ACACA: variants seen among roughly 807,000 people sequenced by gnomAD.
ACACA encodes acetyl-CoA carboxylase 1.
Under a neutral mutation model 296.1 loss-of-function variants are expected in ACACA, and 103 were observed. The ratio of observed to expected loss-of-function variants is 0.35; its 90% CI spans 0.30 to 0.41. The LOEUF (loss-of-function observed/expected upper bound fraction) is 0.41, where lower values mean the gene tolerates loss of function less well. Ranked by LOEUF, ACACA falls within the 10% of genes least tolerant of loss-of-function variation. ACACA has a pLI of 1.00. For synonymous variants in ACACA, 953 were observed against 1,038.6 expected, an observed-to-expected ratio of 0.92 and a Z score of 1.58; for missense variants, 1,554 against 2,989.7, an observed-to-expected ratio of 0.52 and a Z score of 11.20.
Position 37,299,184 on chromosome 17 carries a change from A to G in ACACA, c.339-14214T>C, listed in dbSNP as rs73984207. 243 of 1,316,594 alleles carry G rather than the reference A, an allele frequency of 1.8e-4. 2 individuals carry two copies. In the African/African-American group the frequency reaches 3.5e-3, roughly 19 times the overall value. 81.6% of individuals were successfully genotyped at this position (1,316,594 alleles called of 1,614,324 possible). A position where few individuals can be genotyped will look rare whatever the true frequency, so the allele number is the denominator to read the frequency against. ...AGCCTTCATTTTTTAAAGATAGAAA[A>G]AAAATGATCAAATAAATCTCAGGGC... On this transcript the variant is annotated intron_variant, in intron 3 of 55. Transcript: ENST00000616317.
intron 52 of ACACA, among the ~76,000 whole-genome samples, chr17:37,102,744 T>C (rs2073439870): frequency 6.6e-6 from 1 of 152,252 alleles, no homozygotes; most frequent in South Asian, 2.1e-4. Flanking sequence ...AACCAGGCTT[T>C]GGCTTCGCCA....
chr17:37,278,125 A>G, intron 5 of ACACA, 120 bp from the exon 6 acceptor site: 1 of 764,902 alleles, frequency 1.3e-6, no homozygotes, highest in South Asian at 1.5e-5. Flanking sequence ...AAACAGCATT[A>G]GTAGGATAAT....
intron 2 of ACACA, among the ~76,000 whole-genome samples, chr17:37,336,502 C>T (rs536456496): frequency 6.6e-6 from 1 of 152,142 alleles, no homozygotes; most frequent in Non-Finnish European, 1.5e-5. Flanking sequence ...CACTAAAATG[C>T]TAATTAGGCA....
chr17:37,333,546 C>G (rs8078349), intron 2 of ACACA, among the ~76,000 whole-genome samples: 5,398 of 152,014 alleles, frequency 0.036, 322 homozygotes, highest in African/African-American at 0.12. Flanking sequence ...TTCCTCCCCT[C>G]AGGATGGCTA....
At chr17:37,299,898 T>G (rs777786968) in intron 3 of ACACA, 34 of 682,954 alleles carry the variant, frequency 5.0e-5, no homozygotes, top group Non-Finnish European at 6.0e-5. Context: ...ATTTCTGAGA[T>G]CCAATCAAAA....
intron 10 of ACACA, among the ~76,000 whole-genome samples, chr17:37,269,933 G>T (rs1432875829): frequency 6.6e-6 from 1 of 152,066 alleles, no homozygotes; most frequent in African/African-American, 2.4e-5. Flanking sequence ...GTATTGGTAG[G>T]AGGAAAAAAA....
Position 37,125,242 on chromosome 17 carries a change from C to T in ACACA, c.6041+456G>A, listed in dbSNP as rs73982238. Reference sequence around the variant, plus strand: ...TAAACTTTTTTTTTTTGGCAATTCACATCTGATTATAATCCAATATAGTAC... The same window carrying T: ...TAAACTTTTTTTTTTTGGCAATTCATATCTGATTATAATCCAATATAGTAC... On this transcript the variant is annotated intron_variant, in intron 48 of 55. Transcript: ENST00000616317. Among the ~76,000 whole-genome samples, 173 of 151,756 alleles carry T rather than the reference C, an allele frequency of 1.1e-3. 1 individual carries two copies. The highest frequency in any genetic ancestry group is 4.1e-3 in the African/African-American group (170 of 41,356).
At chr17:37,189,381 T>A (rs2077659701) in intron 38 of ACACA, among the ~76,000 whole-genome samples, 1 of 152,200 alleles carries the variant, frequency 6.6e-6, no homozygotes, top group African/African-American at 2.4e-5. Flanking sequence ...TGTGGTTCTT[T>A]AGTAGCATGT....
chr17:37,346,755 C>T (rs1238263100), intron 1 of ACACA, among the ~76,000 whole-genome samples: 1 of 151,118 alleles, frequency 6.6e-6, no homozygotes, highest in Admixed American at 6.6e-5. Flanking sequence ...TATGGAATTG[C>T]ATGGAGCCTG....
intron 38 of ACACA, among the ~76,000 whole-genome samples, chr17:37,188,802 G>C (rs1257702544): frequency 6.6e-6 from 1 of 152,014 alleles, no homozygotes; most frequent in Admixed American, 6.6e-5. Context: ...ACAAGCCATG[G>C]GATTTAAGAG....
intron 3 of ACACA, among the ~76,000 whole-genome samples, chr17:37,309,451 A>G (rs1032004571): frequency 6.6e-6 from 1 of 152,202 alleles, no homozygotes; most frequent in Non-Finnish European, 1.5e-5. Context: ...AAATAAATAT[A>G]TTACTAAAAA....
chr17:37,145,018 T>C (rs1195204469), intron 45 of ACACA, among the ~76,000 whole-genome samples: 1 of 152,172 alleles, frequency 6.6e-6, no homozygotes, highest in East Asian at 1.9e-4. Context: ...TCTGGGGCAA[T>C]GGATTGAGAG....
intron 8 of ACACA, among the ~76,000 whole-genome samples, chr17:37,275,561 G>T (rs1226218669): frequency 6.6e-6 from 1 of 151,872 alleles, no homozygotes; most frequent in Non-Finnish European, 1.5e-5. Context: ...TGAGTAAGTG[G>T]GTTTTAGGTT....
intron 41 of ACACA, among the ~76,000 whole-genome samples, chr17:37,168,981 C>T (rs973529926): frequency 6.6e-6 from 1 of 152,152 alleles, no homozygotes; most frequent in African/African-American, 2.4e-5. Context: ...AAATCGAAAG[C>T]TTTTATTTAT....
At chr17:37,095,670 T>C (rs1452169532) in intron 54 of ACACA, among the ~76,000 whole-genome samples, 3 of 152,200 alleles carry the variant, frequency 2.0e-5, no homozygotes, top group Non-Finnish European at 4.4e-5. Flanking sequence ...TGTGATCACA[T>C]AGCAATGAGA....
intron 3 of ACACA, among the ~76,000 whole-genome samples, chr17:37,316,489 A>G (rs2047100249): frequency 6.8e-6 from 1 of 147,488 alleles, no homozygotes; most frequent in Non-Finnish European, 1.5e-5. Context: ...CACCTGTGAC[A>G]CAATGTTTGG....
intron 47 of ACACA, among the ~76,000 whole-genome samples, chr17:37,126,651 C>T (rs1328687614): frequency 6.6e-6 from 1 of 152,170 alleles, no homozygotes; most frequent in African/African-American, 2.4e-5. Context: ...CCCTAAAAAC[C>T]CAAGTCCAAA....
intron 1 of ACACA, among the ~76,000 whole-genome samples, chr17:37,355,624 G>A (rs565836178): frequency 9.9e-5 from 15 of 152,034 alleles, no homozygotes; most frequent in Non-Finnish European, 2.1e-4. Flanking sequence ...GGGAGGCTGA[G>A]GTGGGCAGAT....
intron 3 of ACACA, among the ~76,000 whole-genome samples, chr17:37,298,704 C>A (rs571817224): frequency 2.8e-4 from 42 of 152,278 alleles, no homozygotes; most frequent in African/African-American, 1.0e-3. Context: ...GAGGTGCAGA[C>A]CTGCAAGAGG....
Sources: gnomAD v4.1 joint callset for allele counts (sites outside exome capture counted in the v4.1 genomes callset) on GRCh38, gnomAD v4.1.1 for gene constraint, MANE v1.5 for transcripts, NCBI Gene and HGNC (gene_info 2026-07-23, HGNC 2026-07-21) for gene names.